MYH11: variants seen among roughly 807,000 people sequenced by gnomAD.
The protein encoded by MYH11 is myosin heavy chain 11.
A neutral mutation model predicts 246.6 loss-of-function variants in MYH11; 80 were observed. That is an observed-to-expected ratio of 0.32 (90% CI 0.27 to 0.39). MYH11 has a LOEUF of 0.39. Ranked by LOEUF, MYH11 falls within the 10% of genes least tolerant of loss-of-function variation. The probability of loss-of-function intolerance (pLI) is 1.00; values close to 1 mark genes in which losing one functional copy is unlikely to be tolerated. For missense variants in MYH11, 2,158 were observed against 2,546.8 expected (o/e 0.85, Z 3.29); for synonymous variants, 1,071 against 1,015.5 (o/e 1.05, Z -1.04).
intron 9 of MYH11, among the ~76,000 whole-genome samples, chr16:15,769,113 G>T (rs2042043833): frequency 6.6e-6 from 1 of 152,204 alleles, no homozygotes; most frequent in South Asian, 2.1e-4. Context: ...AGGAGTTTAA[G>T]ACCAGCCTGG....
intron 27 of MYH11, among the ~76,000 whole-genome samples, chr16:15,729,333 G>A (rs1347615033): frequency 6.6e-6 from 1 of 152,140 alleles, no homozygotes; most frequent in African/African-American, 2.4e-5. Flanking sequence ...AAAGGCCTCT[G>A]TTTCCCTGCA....
intron 3 of MYH11, among the ~76,000 whole-genome samples, chr16:15,818,520 C>T (rs987208937): frequency 1.3e-5 from 2 of 152,126 alleles, no homozygotes; most frequent in Admixed American, 6.6e-5. Flanking sequence ...GCAAGCTCCG[C>T]CTCTTGGGTT....
intron 28 of MYH11, 123 bp downstream of exon 28, chr16:15,726,725 G>C (rs113232976): frequency 9.6e-6 from 11 of 1,144,314 alleles, no homozygotes; most frequent in Non-Finnish European, 3.8e-6. Context: ...CTCCAGGAAC[G>C]CAACTAGAGG....
intron 1 of MYH11, among the ~76,000 whole-genome samples, chr16:15,839,116 G>T (rs1434047945): frequency 1.3e-5 from 2 of 151,396 alleles, no homozygotes; most frequent in Non-Finnish European, 2.9e-5. Flanking sequence ...AGGCTGAGGT[G>T]GGAGAATCAC....
intron 4 of MYH11, among the ~76,000 whole-genome samples, chr16:15,788,970 T>C (rs1179207806): frequency 2.0e-5 from 3 of 151,906 alleles, no homozygotes; most frequent in Admixed American, 1.3e-4. Context: ...CATAGCAAGA[T>C]CCCATCTCTT....
chr16:15,715,132 G>A (rs772307503), intron 39 of MYH11, 32 bp downstream of exon 39: 3 of 1,612,458 alleles, frequency 1.9e-6, no homozygotes, highest in African/African-American at 2.7e-5. Flanking sequence ...TGGGGGCTGG[G>A]GGCTCGAGGG....
chr16:15,786,477 G>T, intron 5 of MYH11, 153 bp downstream of exon 5: 1 of 829,058 alleles, frequency 1.2e-6, no homozygotes, highest in Non-Finnish European at 2.1e-6. Flanking sequence ...AGGCCTGCTC[G>T]CCAAAAAGAC....
At chr16:15,767,825 C>T (rs2042016315) in intron 9 of MYH11, among the ~76,000 whole-genome samples, 1 of 151,864 alleles carries the variant, frequency 6.6e-6, no homozygotes, top group Non-Finnish European at 1.5e-5. Flanking sequence ...CAAGGAAAAG[C>T]CAGGAACAGC....
At chr16:15,711,321 C>G (rs1278335420) in intron 40 of MYH11, 2 of 152,154 alleles carry the variant, frequency 1.3e-5, no homozygotes, top group Non-Finnish European at 1.5e-5. Context: ...TTAAACAAGT[C>G]TAATTATGAT....
At chr16:15,707,108 G>A (rs913659430) in intron 40 of MYH11, among the ~76,000 whole-genome samples, 1 of 152,060 alleles carries the variant, frequency 6.6e-6, no homozygotes, top group Non-Finnish European at 1.5e-5. Flanking sequence ...GCGTGATCTT[G>A]GCTCACTGCA....
chr16:15,764,026 A>G (rs1044560171), intron 9 of MYH11, 135 bp from the exon 10 acceptor site: 9 of 731,956 alleles, frequency 1.2e-5, no homozygotes, highest in Admixed American at 2.0e-5. Flanking sequence ...TCTGAGCTCA[A>G]TATTTTCATA....
intron 40 of MYH11, chr16:15,713,773 C>T (rs947177213): frequency 1.3e-5 from 2 of 152,326 alleles, no homozygotes; most frequent in Non-Finnish European, 2.9e-5. Flanking sequence ...GTGTGAGTCC[C>T]GTGCCCAGCC....
rs926891974 is a variant in MYH11 at position 15,801,218 on chromosome 16, G to A, written c.503-2531C>T. Among the ~76,000 whole-genome samples, 16 of 151,884 alleles carry A rather than the reference G, an allele frequency of 1.1e-4. 1 individual carries two copies. The highest frequency in any genetic ancestry group is 3.9e-4 in the Admixed American group (6 of 15,222). On this transcript the variant is annotated intron_variant, in intron 3 of 40. Transcript: ENST00000300036. ...AAGACTCTGTTTCAAAAACAAATAAGATATAAATACATAAATAAAATAGGC... is the reference window on the plus strand; with the variant it reads ...AAGACTCTGTTTCAAAAACAAATAAAATATAAATACATAAATAAAATAGGC...
chr16:15,842,211 C>A (rs1212943676), intron 1 of MYH11, among the ~76,000 whole-genome samples: 1 of 152,062 alleles, frequency 6.6e-6, no homozygotes, highest in African/African-American at 2.4e-5. Context: ...ACATGTGAAA[C>A]CCCATCTCTA....
At chr16:15,766,953 A>G (rs2041996885) in intron 9 of MYH11, among the ~76,000 whole-genome samples, 1 of 152,186 alleles carries the variant, frequency 6.6e-6, no homozygotes, top group South Asian at 2.1e-4. Context: ...CTGCAGTTAG[A>G]GAGTCCTGAG....
intron 3 of MYH11, among the ~76,000 whole-genome samples, chr16:15,817,891 C>T (rs568563913): frequency 8.5e-5 from 13 of 152,280 alleles, no homozygotes; most frequent in South Asian, 2.1e-4. Context: ...TTATAAAGCC[C>T]CACCTCTCTC....
At chr16:15,723,819 A>G (rs573907018) in intron 31 of MYH11, among the ~76,000 whole-genome samples, 1 of 152,224 alleles carries the variant, frequency 6.6e-6, no homozygotes, top group Non-Finnish European at 1.5e-5. Context: ...ATTACTTGGA[A>G]TACTACTCAA....
At chr16:15,775,851 G>T (rs2042209535) in intron 8 of MYH11, 1 of 598,074 alleles carries the variant, frequency 1.7e-6, no homozygotes, top group African/African-American at 1.8e-5. Context: ...TCTAATTGGA[G>T]TTGATGGCTA....
At chr16:15,830,450 C>T (rs1364344426) in intron 2 of MYH11, among the ~76,000 whole-genome samples, 2 of 152,188 alleles carry the variant, frequency 1.3e-5, no homozygotes, top group Non-Finnish European at 2.9e-5. Flanking sequence ...TGCAGTGGCC[C>T]TCTCTCTACT....
Sources: allele counts gnomAD v4.1 joint callset (sites outside exome capture counted in the v4.1 genomes callset), GRCh38; gene constraint gnomAD v4.1.1; transcripts MANE v1.5; gene names NCBI Gene and HGNC (gene_info 2026-07-23, HGNC 2026-07-21).